ACTR3C: variants seen among roughly 807,000 people sequenced by gnomAD.
The protein encoded by ACTR3C is actin-related protein 3C.
Under a neutral mutation model 26.3 loss-of-function variants are expected in ACTR3C, and 18 were observed. The observed-to-expected ratio is 0.68, with a 90% CI of 0.47 to 1.01. The LOEUF is 1.01. Ranked by LOEUF, ACTR3C falls within the 50% of genes least tolerant of loss-of-function variation. The pLI is 0.00. For synonymous variants in ACTR3C, 55 were observed against 94.5 expected, an observed-to-expected ratio of 0.58 and a Z score of 2.42; for missense variants, 184 against 250.7, an observed-to-expected ratio of 0.73 and a Z score of 1.80.
the ACTR3C span, among the ~76,000 whole-genome samples, chr7:150,112,405 C>T: frequency 3.9e-3 from 588 of 152,342 alleles, 2 homozygotes; most frequent in Admixed American, 8.4e-3. Context: ...CGTCACCACA[C>T]CTTACCAGCA....
the ACTR3C span, among the ~76,000 whole-genome samples, chr7:150,129,137 C>T: frequency 0.22 from 31,410 of 144,012 alleles, 2,821 homozygotes; most frequent in African/African-American, 0.44. Flanking sequence ...TGAACAAACA[C>T]TAAATAATCA....
At position 150,295,378 on chromosome 7, in the gene ACTR3C, T is replaced by A. The variant is rs781467957; in HGVS notation, c.-51-31A>T. 2.9e-5 allele frequency: 46 copies of A among 1,602,310 alleles called. No homozygotes were observed. In the East Asian group the frequency reaches 9.8e-4, roughly 34 times the overall value. ...AGAAAACATTCACTATATTTAGTGT[T>A]TACCCAAATTTCATGTAAATACATC... is the stretch of plus-strand genomic sequence containing the variant. On this transcript the variant is annotated intron_variant, in intron 1 of 7. Coordinates refer to ENST00000683684, the MANE Select transcript of ACTR3C (RefSeq NM_001164458.2).
At chr7:150,161,408 C>A in the ACTR3C span, among the ~76,000 whole-genome samples, 3 of 151,336 alleles carry the variant, frequency 2.0e-5, no homozygotes, top group Non-Finnish European at 2.9e-5. Flanking sequence ...TGTTCCCCTT[C>A]CTGTGTCCAA....
the ACTR3C span, among the ~76,000 whole-genome samples, chr7:149,907,790 TCA>T: frequency 6.6e-6 from 1 of 152,082 alleles, no homozygotes; most frequent in Non-Finnish European, 1.5e-5. Context: ...TTTATAGCTG[TCA>T]CACTTAACAA....
intron 6 of ACTR3C, among the ~76,000 whole-genome samples, chr7:150,252,146 GCA>G (rs1348722440): frequency 2.1e-4 from 31 of 150,462 alleles, no homozygotes; most frequent in Non-Finnish European, 4.0e-4. Flanking sequence ...GTGTGTGTGT[GCA>G]TGTGTGTGTG....
the ACTR3C span, among the ~76,000 whole-genome samples, chr7:150,121,571 G>A: frequency 1.3e-5 from 2 of 148,516 alleles, no homozygotes; most frequent in Admixed American, 6.7e-5. Flanking sequence ...CACTTCTCAA[G>A]GAAATAAGAG....
chr7:149,945,821 C>T, the ACTR3C span, among the ~76,000 whole-genome samples: 2 of 152,176 alleles, frequency 1.3e-5, no homozygotes, highest in African/African-American at 2.4e-5. Flanking sequence ...TTGCTATGCA[C>T]GGACAGTGGT....
the ACTR3C span, among the ~76,000 whole-genome samples, chr7:149,923,713 T>G: frequency 6.6e-6 from 1 of 152,108 alleles, no homozygotes; most frequent in Non-Finnish European, 1.5e-5. Context: ...CACACAAATG[T>G]GAGCCCAGGC....
chr7:150,129,880 A>G, the ACTR3C span, among the ~76,000 whole-genome samples: 1 of 152,168 alleles, frequency 6.6e-6, no homozygotes. Flanking sequence ...AGCCAAAACA[A>G]TTTTAAAGAG....
chr7:150,100,225 C>G, the ACTR3C span, among the ~76,000 whole-genome samples: 1 of 151,492 alleles, frequency 6.6e-6, no homozygotes, highest in East Asian at 1.9e-4. Context: ...GGGCTGTCAC[C>G]AGAACCTCTC....
At chr7:150,042,094 C>A in the ACTR3C span, among the ~76,000 whole-genome samples, 5 of 86,282 alleles carry the variant, frequency 5.8e-5, no homozygotes, top group Non-Finnish European at 9.7e-5. Context: ...GTCCCTGCCT[C>A]GCGGGGGGTG....
chr7:149,946,530 T>G, the ACTR3C span, among the ~76,000 whole-genome samples: 2 of 152,124 alleles, frequency 1.3e-5, no homozygotes, highest in Admixed American at 1.3e-4. Flanking sequence ...GTCCCCCTGT[T>G]CTCCCAGGAT....
chr7:150,229,689 G>A, the ACTR3C span, among the ~76,000 whole-genome samples: 1 of 148,268 alleles, frequency 6.7e-6, no homozygotes, highest in Non-Finnish European at 1.5e-5. Context: ...TAGAGACAGG[G>A]TTTCACCATG....
chr7:150,096,370 C>T, the ACTR3C span, among the ~76,000 whole-genome samples: 1 of 151,304 alleles, frequency 6.6e-6, no homozygotes, highest in Admixed American at 6.6e-5. Flanking sequence ...CCCTATGTCT[C>T]CATGAACCCA....
intron 3 of ACTR3C, among the ~76,000 whole-genome samples, chr7:150,291,124 A>T (rs1419722911): frequency 4.6e-5 from 7 of 151,984 alleles, no homozygotes; most frequent in African/African-American, 1.7e-4. Context: ...ATGCGTGCAC[A>T]CACGTGTCTT....
intron 6 of ACTR3C, among the ~76,000 whole-genome samples, chr7:150,253,794 C>T (rs1378585095): frequency 6.6e-6 from 1 of 151,902 alleles, no homozygotes; most frequent in African/African-American, 2.4e-5. Context: ...ATATGCCATG[C>T]GATCCCCTCT....
the ACTR3C span, among the ~76,000 whole-genome samples, chr7:150,119,800 A>G: frequency 6.6e-6 from 1 of 152,162 alleles, no homozygotes; most frequent in East Asian, 1.9e-4. Context: ...AGCACTACAT[A>G]GCACTTATTC....
the ACTR3C span, among the ~76,000 whole-genome samples, chr7:150,224,299 C>A: frequency 5.3e-5 from 8 of 152,196 alleles, no homozygotes; most frequent in African/African-American, 1.9e-4. Context: ...ATTTGTGTTT[C>A]TCCCCATGTG....
At chr7:149,975,815 T>C in the ACTR3C span, among the ~76,000 whole-genome samples, 10 of 152,292 alleles carry the variant, frequency 6.6e-5, no homozygotes, top group Non-Finnish European at 8.8e-5. Flanking sequence ...TCAGCTCTCC[T>C]GAGAACTCAT....
Sources: allele counts gnomAD v4.1 joint callset (sites outside exome capture counted in the v4.1 genomes callset), GRCh38; gene constraint gnomAD v4.1.1; transcripts MANE v1.5; gene names NCBI Gene and HGNC (gene_info 2026-07-23, HGNC 2026-07-21).